Variants in CATSPER2 observed in about 807,000 individuals in gnomAD.
CATSPER2 encodes the protein cation channel sperm-associated protein 2.
A neutral mutation model predicts 68.8 loss-of-function variants in CATSPER2; 56 were observed. The ratio of observed to expected loss-of-function variants is 0.81; its 90% confidence interval spans 0.66 to 1.02. The LOEUF (loss-of-function observed/expected upper bound fraction) is 1.02, where lower values mean the gene tolerates loss of function less well. Ranked by LOEUF, CATSPER2 falls within the 50% of genes least tolerant of loss-of-function variation. The pLI, the probability that CATSPER2 is intolerant of heterozygous loss-of-function variation, is 0.00. For missense variants in CATSPER2, 582 were observed against 642.0 expected (o/e 0.91, Z 1.01); for synonymous variants, 198 against 229.9 (o/e 0.86, Z 1.26).
intron 12 of CATSPER2, among the ~76,000 whole-genome samples, chr15:43,631,128 T>A (rs910010704): frequency 6.6e-6 from 1 of 151,922 alleles, no homozygotes; most frequent in Non-Finnish European, 1.5e-5. Context: ...CACACAGTCC[T>A]CCTCTCTAAT....
chr15:43,645,287 C>G (rs888767243), intron 4 of CATSPER2, among the ~76,000 whole-genome samples: 1 of 151,648 alleles, frequency 6.6e-6, no homozygotes, highest in Non-Finnish European at 1.5e-5. Context: ...AACTCCTGAG[C>G]TCAAGCGATC....
intron 5 of CATSPER2, 40 bp from the exon 6 acceptor site, chr15:43,639,838 A>G: frequency 6.2e-7 from 1 of 1,607,454 alleles, no homozygotes; most frequent in African/African-American, 1.3e-5. Context: ...ATACACCCCA[A>G]GGCACCCAGG....
chr15:43,648,585 G>A (rs2086217337), intron 1 of CATSPER2, 44 bp downstream of exon 1: 3 of 1,368,738 alleles, frequency 2.2e-6, no homozygotes, highest in African/African-American at 3.0e-5. Flanking sequence ...CACTCCTTCG[G>A]GGGCTAGCTC....
Position 43,632,889 on chromosome 15 carries a change from T to C in CATSPER2, c.1224A>G (p.Glu408=). The C allele has an allele frequency of 6.2e-7, 1 of 1,609,512 alleles. No individual in the cohort carries two copies. Among genetic ancestry groups the C allele is most frequent in the Non-Finnish European group, 8.5e-7 (1 of 1,176,282 alleles). The change falls in exon 11 of 13, where the codon GAA becomes GAG. Residue 408 remains glutamate, a synonymous_variant. Coordinates refer to ENST00000396879, the MANE Select transcript of CATSPER2 (RefSeq NM_172095.4). ...SQQRESLDLS[E]VSEVESNYGA... ...CATAATTAGACTCTACTTCAGACAC[T>C]TCTGATAAGTCCAAACTTTCCCTTT...
In CATSPER2 at chr15:43,639,634, T is replaced by G. The variant is rs1301012992; in HGVS notation, c.717+9A>C. The G allele has an allele frequency of 5.0e-6, 8 of 1,612,644 alleles. No homozygotes were observed. Among genetic ancestry groups the G allele is most frequent in the Non-Finnish European group, 6.8e-6 (8 of 1,179,334 alleles). ...TGCCCCCTGCTTTAGCTTGCAACAG[T>G]CAAATCACCTTGAGGGCCCTGACCA... On this transcript the variant is annotated intron_variant, in intron 6 of 12. Coordinates refer to ENST00000396879, the MANE Select transcript of CATSPER2 (RefSeq NM_172095.4).
chr15:43,630,383 C>G lies in CATSPER2; in HGVS notation c.*318G>C, dbSNP rs2141541653. The G allele has an allele frequency of 2.5e-6, 1 of 402,958 alleles. No individual in the cohort carries two copies. Among genetic ancestry groups the G allele is most frequent in the Non-Finnish European group, 4.7e-6 (1 of 213,588 alleles). 25.0% of individuals were successfully genotyped at this position (402,958 alleles called of 1,614,324 possible). A position where few individuals can be genotyped will look rare whatever the true frequency, so the allele number is the denominator to read the frequency against. On this transcript the variant is annotated 3_prime_UTR_variant, in exon 13 of 13. Transcript: ENST00000396879. ...TATTTATAAGACACTTATACAGAGT[C>G]TCACTCTGTTGCCCAGGCTGGAGTG...
At chr15:43,636,346 AC>A in intron 7 of CATSPER2, 127 bp from the exon 8 acceptor site, 1 of 1,300,968 alleles carries the variant, frequency 7.7e-7, no homozygotes, top group Non-Finnish European at 1.1e-6. Flanking sequence ...CTCCTTTTCT[AC>A]CATACTCAGT....
chr15:43,631,527 C>T lies in CATSPER2; in HGVS notation c.1561+672G>A, dbSNP rs62018896. The T allele has an allele frequency of 7.4e-3, 2,837 of 384,224 alleles. 108 individuals carry two copies. Among genetic ancestry groups the T allele is most frequent in the African/African-American group, 0.058 (2,687 of 46,314 alleles). 23.8% of individuals were successfully genotyped at this position (384,224 alleles called of 1,614,324 possible). The stretch of plus-strand genomic sequence containing the variant: ...TACAGGTGTGAGCCACCGTGCCCGG[C>T]CTTTTTTTTTCCTTTTAGAGGGAAA... On this transcript the variant is annotated intron_variant, in intron 12 of 12. Transcript: ENST00000396879.
Position 43,639,026 on chromosome 15 carries a change from G to A in CATSPER2, c.720C>T (p.Ser240=). ...IILVLVRALK[S]MTFLLMLLLI... ...GCAGCAACATCAAGAGGAAGGTCAT[G>A]CTCTAGAGGCCATAACTCTCATGTC... The change falls in exon 7 of 13, where the codon AGC becomes AGT. Residue 240 remains serine, a splice_region_variant and synonymous_variant. Coordinates refer to ENST00000396879, the MANE Select transcript of CATSPER2 (RefSeq NM_172095.4). 6 of 1,612,132 alleles carry A rather than the reference G, an allele frequency of 3.7e-6. No individual in the cohort carries two copies. The highest frequency in any genetic ancestry group is 5.1e-6 in the Non-Finnish European group (6 of 1,178,936).
rs987952624 is a variant in CATSPER2 at position 43,630,514 on chromosome 15, C to G, written c.*187G>C. ...TGATTACAAGCATCTGCCACCACACCCAGCTAATTTTTTTGTATTTTTAGT... is the reference window on the plus strand; with the variant it reads ...TGATTACAAGCATCTGCCACCACACGCAGCTAATTTTTTTGTATTTTTAGT... On this transcript the variant is annotated 3_prime_UTR_variant, in exon 13 of 13. Coordinates refer to ENST00000396879, the MANE Select transcript of CATSPER2 (RefSeq NM_172095.4). The G allele has an allele frequency of 1.1e-5, 15 of 1,314,492 alleles. No homozygotes were observed. The highest frequency in any genetic ancestry group is 2.8e-4 in the Middle Eastern group (1 of 3,614). 81.4% of individuals were successfully genotyped at this position (1,314,492 alleles called of 1,614,324 possible).
Position 43,632,191 on chromosome 15 carries a change from C to T in CATSPER2, c.1561+8G>A. On this transcript the variant is annotated splice_region_variant and intron_variant, in intron 12 of 12. Transcript: ENST00000396879. ...CCCATGGTCCCCATGACTGCCCTAA[C>T]TCCATACCTGCAAACTCTTGTAACT... The T allele has an allele frequency of 6.2e-7, 1 of 1,613,152 alleles. No individual in the cohort carries two copies. Among genetic ancestry groups the T allele is most frequent in the South Asian group, 1.1e-5 (1 of 91,042 alleles).
chr15:43,647,146 G>C (rs778831968), intron 3 of CATSPER2, 28 bp from the exon 4 acceptor site: 2 of 1,594,920 alleles, frequency 1.3e-6, no homozygotes, highest in East Asian at 4.5e-5. Flanking sequence ...AATGTACAGA[G>C]TGGAGTTCTT....
At chr15:43,639,986 T>C (rs568246365) in intron 5 of CATSPER2, 188 bp from the exon 6 acceptor site, 2 of 1,456,970 alleles carry the variant, frequency 1.4e-6, no homozygotes, top group Non-Finnish European at 1.8e-6. Flanking sequence ...CTTGTTCAGA[T>C]ATAAAAAGGG....
rs180730325 is a variant in CATSPER2 at position 43,631,202 on chromosome 15, T to C, written c.1562-470A>G. ...AGGGGAAAAACCCAGATAACACATA[T>C]TAAATCATTAAAATCCACCCCTAAA... On this transcript the variant is annotated intron_variant, in intron 12 of 12. Transcript: ENST00000396879. 4.0e-3 allele frequency among the ~76,000 whole-genome samples: 613 copies of C among 152,084 alleles called. 8 individuals are homozygous for C. Among genetic ancestry groups the C allele is most frequent in the African/African-American group, 0.014 (567 of 41,472 alleles).
Position 43,636,126 on chromosome 15 carries a change from G to T in CATSPER2, c.936C>A (p.Val312=), listed in dbSNP as rs775215206. Residue 312 remains valine (V), a synonymous_variant, in exon 8 of 13, where the codon GTC becomes GTA. Coordinates refer to ENST00000396879, the MANE Select transcript of CATSPER2 (RefSeq NM_172095.4). ...LLQDVWKVPE[V]SRIFSSIYFI... ...AATAGATGCTGCTGAAGATGCGACT[G>T]ACTTCAGGCACCTTCCAGACGTCCT... is the stretch of plus-strand genomic sequence containing the variant. 8.1e-6 allele frequency: 13 copies of T among 1,604,710 alleles called. No homozygotes were observed. In the East Asian group the frequency reaches 2.7e-4, roughly 33 times the overall value.
rs1412438865 is a variant in CATSPER2, at chr15:43,639,810, A to C, written c.562-12T>G. ...TCGGGAAGCAGGGACTGTGGAAAAC[A>C]CACAGGTTATAAGTAAAATACACCC... On this transcript the variant is annotated splice_polypyrimidine_tract_variant and intron_variant, in intron 5 of 12. Coordinates refer to ENST00000396879, the MANE Select transcript of CATSPER2 (RefSeq NM_172095.4). 6.2e-7 allele frequency: 1 copy of C among 1,611,550 alleles called. No homozygotes were observed. The highest frequency in any genetic ancestry group is 8.5e-7 in the Non-Finnish European group (1 of 1,178,266).
At chr15:43,638,871 TC>T in intron 7 of CATSPER2, 32 bp downstream of exon 7, 1 of 1,611,370 alleles carries the variant, frequency 6.2e-7, no homozygotes, top group Non-Finnish European at 8.5e-7. Flanking sequence ...CCAAATTTTC[TC>T]CCCTCACCCA....
In CATSPER2 at chr15:43,630,359, AT is replaced by A; in HGVS notation, c.*341del. 1 of 357,252 alleles carries A rather than the reference AT, an allele frequency of 2.8e-6. No homozygotes were observed. Among genetic ancestry groups the A allele is most frequent in the Non-Finnish European group, 5.4e-6 (1 of 184,766 alleles). 22.1% of individuals were successfully genotyped at this position (357,252 alleles called of 1,614,324 possible). A position where few individuals can be genotyped will look rare whatever the true frequency, so the allele number is the denominator to read the frequency against. ...ACACTACTGAGCAGCTATCAGGAGT[AT>A]TTATAAGACACTTATACAGAGTCTC... On this transcript the variant is annotated 3_prime_UTR_variant, in exon 13 of 13. Transcript: ENST00000396879.
chr15:43,632,523 CAA>C, intron 11 of CATSPER2, 160 bp from the exon 12 acceptor site: 2 of 1,408,884 alleles, frequency 1.4e-6, no homozygotes, highest in South Asian at 1.2e-5. Context: ...TTACAACGAG[CAA>C]AGAGGGCCAC....
Sources: gnomAD v4.1 joint callset for allele counts (sites outside exome capture counted in the v4.1 genomes callset) on GRCh38, gnomAD v4.1.1 for gene constraint, MANE v1.5 for transcripts, NCBI Gene and HGNC (gene_info 2026-07-23, HGNC 2026-07-21) for gene names.